FUT9: variants seen among roughly 807,000 people sequenced by gnomAD.
The protein encoded by FUT9 is fucosyltransferase 9.
Under a neutral mutation model 29.7 loss-of-function variants are expected in FUT9, and 15 were observed. The observed-to-expected ratio is 0.51, with a 90% confidence interval of 0.34 to 0.78. FUT9 has a LOEUF of 0.78. FUT9 is among the 30% of genes least tolerant of loss of function. The pLI is 0.01. For synonymous variants in FUT9, 169 were observed against 153.7 expected (o/e 1.10, Z -0.74); for missense variants, 319 against 425.4 (o/e 0.75, Z 2.20).
chr6:96,138,227 G>GA (rs974593847), intron 2 of FUT9, among the ~76,000 whole-genome samples: 52 of 152,276 alleles, frequency 3.4e-4, no homozygotes, highest in African/African-American at 1.2e-3. Context: ...TATCTTTGGA[G>GA]AAAATGACTT....
At chr6:96,167,679 A>T (rs992608207) in intron 2 of FUT9, among the ~76,000 whole-genome samples, 3 of 152,234 alleles carry the variant, frequency 2.0e-5, no homozygotes, top group African/African-American at 7.2e-5. Context: ...GATAATAAAA[A>T]GAGTAGAGTA....
Position 96,214,205 on chromosome 6 carries a change from T to C in FUT9, c.*9970T>C, listed in dbSNP as rs1487070702. 1.2e-5 allele frequency: 2 copies of C among 166,870 alleles called. No individual in the cohort carries two copies. The highest frequency in any genetic ancestry group is 2.9e-5 in the Non-Finnish European group (2 of 68,052). The allele number at this position is 166,870 out of a possible 1,614,324, so 10.3% of individuals were successfully genotyped here. Reference sequence around the variant, plus strand: ...TACAATTTACTGTATAACAACTTAATAGTACAAAGCATGAAGATGTGAAAA... The same window carrying C: ...TACAATTTACTGTATAACAACTTAACAGTACAAAGCATGAAGATGTGAAAA... On this transcript the variant is annotated 3_prime_UTR_variant, in exon 3 of 3. Coordinates refer to ENST00000302103, the MANE Select transcript of FUT9 (RefSeq NM_006581.4).
intron 1 of FUT9, among the ~76,000 whole-genome samples, chr6:96,047,362 C>T (rs1421191876): frequency 6.6e-6 from 1 of 152,146 alleles, no homozygotes; most frequent in South Asian, 2.1e-4. Context: ...TCTAGGTATA[C>T]ATTTAGTTAC....
intron 2 of FUT9, among the ~76,000 whole-genome samples, chr6:96,181,983 G>C (rs1337174275): frequency 1.3e-5 from 2 of 152,052 alleles, no homozygotes; most frequent in Non-Finnish European, 2.9e-5. Context: ...CCTACTTTTA[G>C]TTCTTTAAGG....
intron 1 of FUT9, among the ~76,000 whole-genome samples, chr6:96,019,778 C>G (rs1228890711): frequency 6.6e-6 from 1 of 151,982 alleles, no homozygotes; most frequent in East Asian, 1.9e-4. Context: ...TAGAAAGATT[C>G]ACGGAATTCA....
intron 2 of FUT9, among the ~76,000 whole-genome samples, chr6:96,187,511 T>A (rs1355232627): frequency 6.6e-6 from 1 of 151,984 alleles, no homozygotes; most frequent in Non-Finnish European, 1.5e-5. Context: ...CCTAGAAAAG[T>A]TTGGAATCCA....
chr6:96,115,164 C>T (rs1771886472), intron 2 of FUT9, among the ~76,000 whole-genome samples: 1 of 152,146 alleles, frequency 6.6e-6, no homozygotes, highest in African/African-American at 2.4e-5. Context: ...TCTAATAAAA[C>T]TATAATGTGA....
intron 2 of FUT9, among the ~76,000 whole-genome samples, chr6:96,195,861 G>A (rs1773615278): frequency 6.6e-6 from 1 of 152,116 alleles, no homozygotes; most frequent in African/African-American, 2.4e-5. Context: ...CTATGATAGT[G>A]AAGATCACAA....
intron 2 of FUT9, among the ~76,000 whole-genome samples, chr6:96,152,861 G>A (rs1270061604): frequency 6.6e-6 from 1 of 152,154 alleles, no homozygotes. Context: ...TATATTCAAA[G>A]CAATACCTGA....
intron 1 of FUT9, among the ~76,000 whole-genome samples, chr6:96,035,150 T>A (rs1316682003): frequency 6.6e-6 from 1 of 151,202 alleles, no homozygotes; most frequent in African/African-American, 2.4e-5. Flanking sequence ...GATTATGTCC[T>A]CTCCATAAAA....
chr6:96,192,668 C>T (rs1214304990), intron 2 of FUT9, among the ~76,000 whole-genome samples: 1 of 152,072 alleles, frequency 6.6e-6, no homozygotes, highest in Non-Finnish European at 1.5e-5. Flanking sequence ...TGTCAAGCTA[C>T]CAATGACTTT....
chr6:96,144,369 G>A (rs547409508), intron 2 of FUT9, among the ~76,000 whole-genome samples: 1 of 152,284 alleles, frequency 6.6e-6, no homozygotes, highest in East Asian at 1.9e-4. Context: ...GCTGGTAGGA[G>A]AAAAGAGTGA....
intron 1 of FUT9, among the ~76,000 whole-genome samples, chr6:96,032,569 G>T (rs1770282654): frequency 6.6e-6 from 1 of 151,510 alleles, no homozygotes. Flanking sequence ...TACTCTCCTA[G>T]ATACCTAGTT....
intron 2 of FUT9, among the ~76,000 whole-genome samples, chr6:96,157,302 A>G (rs1272850633): frequency 6.6e-6 from 1 of 152,254 alleles, no homozygotes; most frequent in Admixed American, 6.5e-5. Context: ...AAACATCACA[A>G]AGGAGGACCT....
chr6:96,029,312 T>C (rs1007460066), intron 1 of FUT9, among the ~76,000 whole-genome samples: 2 of 150,828 alleles, frequency 1.3e-5, no homozygotes, highest in African/African-American at 4.8e-5. Flanking sequence ...ATGTCACCCA[T>C]TGGGGCTTAT....
At chr6:96,187,817 T>C (rs764256108) in intron 2 of FUT9, among the ~76,000 whole-genome samples, 12 of 152,174 alleles carry the variant, frequency 7.9e-5, no homozygotes, top group Non-Finnish European at 1.8e-4. Flanking sequence ...TCTCCCCTTA[T>C]TGTTTTTAGG....
At chr6:96,030,903 A>T (rs1222793524) in intron 1 of FUT9, among the ~76,000 whole-genome samples, 1 of 151,560 alleles carries the variant, frequency 6.6e-6, no homozygotes, top group Non-Finnish European at 1.5e-5. Flanking sequence ...AACAGAAAAC[A>T]TATCAGTGGT....
chr6:96,089,238 T>G (rs1771372007), intron 1 of FUT9, among the ~76,000 whole-genome samples: 2 of 152,166 alleles, frequency 1.3e-5, no homozygotes, highest in South Asian at 4.1e-4. Context: ...CCAAGGAGAT[T>G]CTTCTGCATA....
intron 1 of FUT9, among the ~76,000 whole-genome samples, chr6:96,112,703 T>C (rs1771832588): frequency 6.6e-6 from 1 of 152,192 alleles, no homozygotes; most frequent in Non-Finnish European, 1.5e-5. Flanking sequence ...GAGAACAAGA[T>C]GCTTAACAAG....
Sources: allele counts gnomAD v4.1 joint callset (sites outside exome capture counted in the v4.1 genomes callset), GRCh38; gene constraint gnomAD v4.1.1; transcripts MANE v1.5; gene names NCBI Gene and HGNC (gene_info 2026-07-23, HGNC 2026-07-21).